Variants in SORCS3 observed in about 807,000 individuals in gnomAD.
SORCS3 encodes sortilin related VPS10 domain containing receptor 3, also known as VPS10 domain-containing receptor SorCS3.
A neutral mutation model predicts 146.3 loss-of-function variants in SORCS3; 57 were observed. The ratio of observed to expected loss-of-function variants is 0.39; its 90% CI spans 0.31 to 0.49. The LOEUF (loss-of-function observed/expected upper bound fraction) is 0.49. SORCS3 is among the 20% of genes least tolerant of loss of function. The pLI, the probability that SORCS3 is intolerant of heterozygous loss-of-function variation, is 0.92. For missense variants in SORCS3, 1,341 were observed against 1,575.5 expected (o/e 0.85, Z 2.52); for synonymous variants, 653 against 618.5 (o/e 1.06, Z -0.83).
intron 1 of SORCS3, among the ~76,000 whole-genome samples, chr10:104,719,828 G>A (rs1229118387): frequency 1.3e-5 from 2 of 152,142 alleles, no homozygotes; most frequent in African/African-American, 2.4e-5. Flanking sequence ...TGCTCTTGCC[G>A]AGATTGGAAG....
At chr10:105,161,884 C>T (rs11192343) in intron 11 of SORCS3, among the ~76,000 whole-genome samples, 29,226 of 152,118 alleles carry the variant, frequency 0.19, 2,825 homozygotes, top group South Asian at 0.24. Flanking sequence ...CAGCCAGACC[C>T]GTCTCTGAGC....
Position 104,915,937 on chromosome 10 carries a change from G to A in SORCS3, c.795+5G>A, listed in dbSNP as rs2019022541. On this transcript the variant is annotated splice_donor_5th_base_variant and intron_variant, in intron 3 of 26. Transcript: ENST00000369701. ...AATCCAACCAACAAAAGGAAGGTAA[G>A]AGACTGGGTCAGTAGGTCCTGAGCA... 1 of 1,611,432 alleles carries A rather than the reference G, an allele frequency of 6.2e-7. No homozygotes were observed. Among genetic ancestry groups the A allele is most frequent in the Non-Finnish European group, 8.5e-7 (1 of 1,177,578 alleles).
rs187618053 is a variant in SORCS3 at position 104,800,757 on chromosome 10, A to G, written c.628-42035A>G. The stretch of plus-strand genomic sequence containing the variant: ...GTGGAGTGAGAAAAGGGTGACAGGA[A>G]CCTGCATCTGAAACAATAGCTCCCC... On this transcript the variant is annotated intron_variant, in intron 1 of 26. Transcript: ENST00000369701. Among the ~76,000 whole-genome samples, 66 of 152,270 alleles carry G rather than the reference A, an allele frequency of 4.3e-4. No homozygotes were observed. The Middle Eastern group carries it at 0.01, about 24-fold the overall frequency.
At chr10:104,903,996 G>T (rs936620461) in intron 2 of SORCS3, among the ~76,000 whole-genome samples, 1 of 152,082 alleles carries the variant, frequency 6.6e-6, no homozygotes, top group Non-Finnish European at 1.5e-5. Flanking sequence ...CAGGGTTATT[G>T]TTATTTTAAA....
At chr10:104,759,875 A>G (rs2017099860) in intron 1 of SORCS3, among the ~76,000 whole-genome samples, 1 of 152,172 alleles carries the variant, frequency 6.6e-6, no homozygotes, top group African/African-American at 2.4e-5. Context: ...GCTTGTACAG[A>G]ACTGGGGTGA....
chr10:104,896,699 GA>G (rs529201809), intron 2 of SORCS3, among the ~76,000 whole-genome samples: 2 of 152,122 alleles, frequency 1.3e-5, no homozygotes, highest in Non-Finnish European at 2.9e-5. Context: ...TTAAATGGTT[GA>G]AAAAAATCAA....
intron 6 of SORCS3, among the ~76,000 whole-genome samples, chr10:105,103,466 C>T (rs1365831967): frequency 6.6e-6 from 1 of 152,178 alleles, no homozygotes; most frequent in African/African-American, 2.4e-5. Flanking sequence ...CTACTTGTTT[C>T]AAGTCCATCC....
chr10:104,695,978 A>G (rs2016171608), intron 1 of SORCS3, among the ~76,000 whole-genome samples: 2 of 139,680 alleles, frequency 1.4e-5, no homozygotes, highest in Admixed American at 7.7e-5. Context: ...TAATATATAT[A>G]ATATGTATTA....
intron 2 of SORCS3, among the ~76,000 whole-genome samples, chr10:104,846,061 A>C (rs1308279389): frequency 1.3e-5 from 2 of 152,162 alleles, no homozygotes; most frequent in African/African-American, 4.8e-5. Flanking sequence ...GCTGGTGAAT[A>C]TTATGGGTTT....
At chr10:104,868,182 A>G (rs1420975370) in intron 2 of SORCS3, among the ~76,000 whole-genome samples, 4 of 152,168 alleles carry the variant, frequency 2.6e-5, no homozygotes, top group Non-Finnish European at 4.4e-5. Flanking sequence ...CTCTCTGACT[A>G]AGGGATAATG....
chr10:105,089,671 T>G (rs2055687963), intron 5 of SORCS3, 104 bp from the exon 6 acceptor site: 4 of 873,316 alleles, frequency 4.6e-6, no homozygotes, highest in Non-Finnish European at 5.7e-6. Flanking sequence ...TGGTCCTCTT[T>G]GAGAAAATGG....
intron 1 of SORCS3, among the ~76,000 whole-genome samples, chr10:104,760,187 G>A (rs1253205251): frequency 1.3e-5 from 2 of 152,172 alleles, no homozygotes; most frequent in Non-Finnish European, 2.9e-5. Flanking sequence ...TGGTGAGGTG[G>A]AAGAGATTAG....
chr10:104,704,206 C>T (rs1165825009), intron 1 of SORCS3, among the ~76,000 whole-genome samples: 3 of 144,022 alleles, frequency 2.1e-5, no homozygotes, highest in African/African-American at 5.2e-5. Context: ...CTCTCACTGT[C>T]GCCCAGGCTG....
intron 6 of SORCS3, among the ~76,000 whole-genome samples, chr10:105,093,438 C>T: frequency 6.6e-6 from 1 of 152,076 alleles, no homozygotes; most frequent in East Asian, 1.9e-4. Flanking sequence ...TCAAAATTTA[C>T]AACTTTTGCT....
Position 105,245,522 on chromosome 10 carries a change from A to G in SORCS3, c.2869-20A>G. ...ATATCCCACACAAGACTGAATGAGTATTGTTACTTCTTCTTGTAGCCTCTC... is the reference window on the plus strand; with the variant it reads ...ATATCCCACACAAGACTGAATGAGTGTTGTTACTTCTTCTTGTAGCCTCTC... On this transcript the variant is annotated intron_variant, in intron 20 of 26. Transcript: ENST00000369701. The G allele has an allele frequency of 1.9e-6, 3 of 1,613,744 alleles. No individual in the cohort carries two copies. The highest frequency in any genetic ancestry group is 2.5e-6 in the Non-Finnish European group (3 of 1,179,776).
At chr10:104,820,716 C>T (rs1414543104) in intron 1 of SORCS3, among the ~76,000 whole-genome samples, 2 of 151,970 alleles carry the variant, frequency 1.3e-5, no homozygotes, top group African/African-American at 4.8e-5. Flanking sequence ...TTTTTGACTC[C>T]CCCTAAAATA....
chr10:104,888,387 G>T (rs1348831080), intron 2 of SORCS3, among the ~76,000 whole-genome samples: 1 of 152,170 alleles, frequency 6.6e-6, no homozygotes, highest in Non-Finnish European at 1.5e-5. Flanking sequence ...TTCCTGTTAA[G>T]GATCAGACCT....
intron 1 of SORCS3, among the ~76,000 whole-genome samples, chr10:104,658,296 G>A (rs993775967): frequency 6.6e-6 from 1 of 152,176 alleles, no homozygotes; most frequent in African/African-American, 2.4e-5. Context: ...TTCAGGAGCT[G>A]AGATGAGGAG....
At chr10:104,838,005 C>T (rs1457405397) in intron 1 of SORCS3, among the ~76,000 whole-genome samples, 1 of 152,118 alleles carries the variant, frequency 6.6e-6, no homozygotes, top group African/African-American at 2.4e-5. Flanking sequence ...GACTCTGTTT[C>T]TTTATCTGTA....
Sources: gnomAD v4.1 joint callset for allele counts (sites outside exome capture counted in the v4.1 genomes callset) on GRCh38, gnomAD v4.1.1 for gene constraint, MANE v1.5 for transcripts, NCBI Gene and HGNC (gene_info 2026-07-23, HGNC 2026-07-21) for gene names.